OGDH: variants seen among roughly 807,000 people sequenced by gnomAD.
OGDH encodes oxoglutarate dehydrogenase.
Under a neutral mutation model 116.6 loss-of-function variants are expected in OGDH, and 38 were observed. The observed-to-expected ratio is 0.33, with a 90% CI of 0.25 to 0.43. OGDH has a LOEUF of 0.43. Ranked by LOEUF, OGDH falls within the 20% of genes least tolerant of loss-of-function variation. The pLI, the probability that OGDH is intolerant of heterozygous loss-of-function variation, is 1.00. For missense variants in OGDH, 825 were observed against 1,357.2 expected (o/e 0.61, Z 6.16); for synonymous variants, 488 against 533.3 (o/e 0.92, Z 1.17).
At chr7:44,651,028 G>A (rs189441371) in intron 4 of OGDH, among the ~76,000 whole-genome samples, 62 of 152,324 alleles carry the variant, frequency 4.1e-4, no homozygotes, top group African/African-American at 1.3e-3. Context: ...TGGTGCTTCC[G>A]TCAGAGCTTG....
intron 1 of OGDH, among the ~76,000 whole-genome samples, chr7:44,609,394 C>T (rs2117200218): frequency 6.6e-6 from 1 of 150,414 alleles, no homozygotes; most frequent in South Asian, 2.1e-4. Context: ...CCTGTAATCC[C>T]AGCTACTCAG....
chr7:44,683,064 G>A (rs1333939674), intron 10 of OGDH, among the ~76,000 whole-genome samples: 1 of 151,892 alleles, frequency 6.6e-6, no homozygotes, highest in Non-Finnish European at 1.5e-5. Flanking sequence ...CAGGAGAATG[G>A]CGTGAACCCG....
intron 1 of OGDH, among the ~76,000 whole-genome samples, chr7:44,614,709 C>T (rs982281982): frequency 2.0e-5 from 3 of 151,964 alleles, no homozygotes; most frequent in African/African-American, 7.3e-5. Flanking sequence ...CATAGTTGCT[C>T]GTGGAAGCAT....
At chr7:44,610,443 A>G (rs1384788217) in intron 1 of OGDH, among the ~76,000 whole-genome samples, 1 of 151,836 alleles carries the variant, frequency 6.6e-6, no homozygotes, top group Non-Finnish European at 1.5e-5. Context: ...AGCTGGGATT[A>G]CAGGCGCTTG....
chr7:44,647,510 C>T (rs1482947069), intron 3 of OGDH, 147 bp from the exon 4 acceptor site: 1 of 1,542,118 alleles, frequency 6.5e-7, no homozygotes, highest in Non-Finnish European at 8.7e-7. Context: ...TGATGATGCT[C>T]CAGTAACTGT....
chr7:44,658,999 G>A (rs1786816412), intron 4 of OGDH, among the ~76,000 whole-genome samples: 2 of 151,942 alleles, frequency 1.3e-5, no homozygotes, highest in Non-Finnish European at 2.9e-5. Context: ...ACCACGCCCA[G>A]CTAATTTTTC....
intron 3 of OGDH, 95 bp downstream of exon 3, chr7:44,645,613 C>A: frequency 8.5e-7 from 1 of 1,175,610 alleles, no homozygotes; most frequent in Non-Finnish European, 1.2e-6. Flanking sequence ...TGTATGTTGT[C>A]ACTTTACTTA....
chr7:44,698,224 G>A lies in OGDH; in HGVS notation c.2391G>A (p.Arg797=). The A allele has an allele frequency of 4.3e-6, 7 of 1,614,210 alleles. No individual in the cohort carries two copies. Among genetic ancestry groups the A allele is most frequent in the Non-Finnish European group, 5.1e-6 (6 of 1,180,042 alleles). ...GPEHSSARPE[R]FLQMCNDDPD... ...AACATTCCTCCGCCCGCCCAGAGCGGTTCTTGCAGATGTGCAACGATGACC... is the reference window on the plus strand; with the variant it reads ...AACATTCCTCCGCCCGCCCAGAGCGATTCTTGCAGATGTGCAACGATGACC... Residue 797 remains arginine, a synonymous_variant, in exon 18 of 23, where the codon CGG becomes CGA. Transcript: ENST00000222673.
intron 1 of OGDH, among the ~76,000 whole-genome samples, chr7:44,611,248 A>G (rs1784552499): frequency 6.7e-6 from 1 of 150,002 alleles, no homozygotes; most frequent in African/African-American, 2.5e-5. Context: ...ATGCCTGGCT[A>G]ATTTTTGTAT....
At chr7:44,637,895 A>G (rs187661945) in intron 2 of OGDH, among the ~76,000 whole-genome samples, 1 of 152,044 alleles carries the variant, frequency 6.6e-6, no homozygotes, top group African/African-American at 2.4e-5. Flanking sequence ...GAAAATGTTT[A>G]TGTGTGGTAA....
chr7:44,640,999 T>C (rs1167350029), intron 2 of OGDH, among the ~76,000 whole-genome samples: 1 of 150,772 alleles, frequency 6.6e-6, no homozygotes, highest in Non-Finnish European at 1.5e-5. Context: ...GTTCAAGTGA[T>C]TGTCCTGCCT....
At chr7:44,680,943 A>C (rs934392355) in intron 9 of OGDH, among the ~76,000 whole-genome samples, 2 of 152,346 alleles carry the variant, frequency 1.3e-5, no homozygotes, top group South Asian at 4.1e-4. Flanking sequence ...CTGTCGAATA[A>C]AATAGGAACC....
intron 10 of OGDH, among the ~76,000 whole-genome samples, chr7:44,691,350 C>G (rs953859213): frequency 1.3e-5 from 2 of 151,806 alleles, no homozygotes; most frequent in African/African-American, 4.8e-5. Flanking sequence ...AAAGTGAGAC[C>G]CTGTCTCTAC....
intron 1 of OGDH, among the ~76,000 whole-genome samples, chr7:44,623,781 G>A (rs1489824593): frequency 2.0e-5 from 3 of 152,110 alleles, no homozygotes; most frequent in Non-Finnish European, 2.9e-5. Flanking sequence ...AAGTATCTGG[G>A]TCTACAGGCA....
chr7:44,687,591 G>GT (rs951774260), intron 10 of OGDH, among the ~76,000 whole-genome samples: 43 of 150,748 alleles, frequency 2.9e-4, no homozygotes, highest in African/African-American at 7.1e-4. Context: ...AATTTTTATG[G>GT]TTTTTTTTGT....
In OGDH at chr7:44,637,809, A is replaced by G. The variant is rs1194018750; in HGVS notation, c.223-7518A>G. ...ACTCCAGCCCGGGCGATAGAGCCAG[A>G]CTCTGTCTCAAAAAAAAAAAAAAAT... On this transcript the variant is annotated intron_variant, in intron 2 of 22. Coordinates refer to ENST00000222673, the MANE Select transcript of OGDH (RefSeq NM_002541.4). Among the ~76,000 whole-genome samples the G allele has an allele frequency of 4.7e-5, 7 of 149,886 alleles. No individual in the cohort carries two copies. In the South Asian group the frequency reaches 1.3e-3, roughly 27 times the overall value.
intron 10 of OGDH, among the ~76,000 whole-genome samples, chr7:44,688,712 G>A (rs1312037298): frequency 6.6e-6 from 1 of 151,862 alleles, no homozygotes; most frequent in Non-Finnish European, 1.5e-5. Flanking sequence ...TTACAAGCGT[G>A]AGCCACAGCG....
At chr7:44,700,308 C>T (rs1314612103) in intron 19 of OGDH, 39 bp downstream of exon 19, 2 of 1,610,492 alleles carry the variant, frequency 1.2e-6, no homozygotes, top group East Asian at 4.5e-5. Flanking sequence ...CGAGGCCTGG[C>T]CCTGCCCTGT....
intron 4 of OGDH, among the ~76,000 whole-genome samples, chr7:44,649,566 A>T (rs1786344307): frequency 6.6e-6 from 1 of 152,102 alleles, no homozygotes; most frequent in African/African-American, 2.4e-5. Flanking sequence ...GGAGCAGATG[A>T]AGTGACTGAC....
Sources: allele counts gnomAD v4.1 joint callset (sites outside exome capture counted in the v4.1 genomes callset), GRCh38; gene constraint gnomAD v4.1.1; transcripts MANE v1.5; gene names NCBI Gene and HGNC (gene_info 2026-07-23, HGNC 2026-07-21).